GRM5: variants seen among roughly 807,000 people sequenced by gnomAD.
The protein encoded by GRM5 is metabotropic glutamate receptor 5.
A neutral mutation model predicts 83.1 loss-of-function variants in GRM5; 19 were observed. The ratio of observed to expected loss-of-function variants is 0.23; its 90% CI spans 0.16 to 0.34. The LOEUF is 0.34. GRM5 is among the 10% of genes least tolerant of loss of function. The pLI is 1.00. For missense variants in GRM5, 1,160 were observed against 1,588.3 expected, an observed-to-expected ratio of 0.73 and a Z score of 4.58; for synonymous variants, 675 against 633.6, an observed-to-expected ratio of 1.07 and a Z score of -0.98.
At chr11:88,752,558 C>T (rs1215300877) in intron 3 of GRM5, among the ~76,000 whole-genome samples, 3 of 152,168 alleles carry the variant, frequency 2.0e-5, no homozygotes, top group Non-Finnish European at 4.4e-5. Context: ...ATTATATTCT[C>T]ATTAAACTAC....
chr11:88,856,933 T>C (rs1481453331), intron 2 of GRM5, among the ~76,000 whole-genome samples: 1 of 152,100 alleles, frequency 6.6e-6, no homozygotes, highest in Non-Finnish European at 1.5e-5. Flanking sequence ...AGACTGATTG[T>C]GTAACACGCA....
intron 2 of GRM5, among the ~76,000 whole-genome samples, chr11:88,920,141 CA>C (rs1204576889): frequency 6.6e-6 from 1 of 151,814 alleles, no homozygotes; most frequent in Non-Finnish European, 1.5e-5. Context: ...AAAAAATCAA[CA>C]AACCTTTAGC....
At chr11:88,938,866 A>G (rs1039433981) in intron 2 of GRM5, among the ~76,000 whole-genome samples, 5 of 151,798 alleles carry the variant, frequency 3.3e-5, no homozygotes, top group African/African-American at 7.2e-5. Flanking sequence ...TAAGGTTTGC[A>G]TCTTTCAAGA....
chr11:88,735,879 C>G (rs1474756731), intron 3 of GRM5, among the ~76,000 whole-genome samples: 1 of 152,044 alleles, frequency 6.6e-6, no homozygotes, highest in East Asian at 1.9e-4. Flanking sequence ...GTGGTGTACT[C>G]GTGTAATTGA....
At chr11:89,035,477 G>A (rs1941361940) in intron 2 of GRM5, among the ~76,000 whole-genome samples, 1 of 151,782 alleles carries the variant, frequency 6.6e-6, no homozygotes, top group African/African-American at 2.4e-5. Context: ...GTTGAAAAGA[G>A]GGTATATAAC....
intron 3 of GRM5, among the ~76,000 whole-genome samples, chr11:88,793,369 T>C (rs72643326): frequency 0.082 from 12,412 of 152,186 alleles, 916 homozygotes; most frequent in African/African-American, 0.2. Context: ...TCGAGAGAAT[T>C]AATGGATTTT....
intron 8 of GRM5, among the ~76,000 whole-genome samples, chr11:88,534,665 T>A (rs1210781598): frequency 1.3e-5 from 2 of 152,164 alleles, no homozygotes; most frequent in Admixed American, 1.3e-4. Flanking sequence ...TGAAATAATT[T>A]GAGACTTTAG....
At chr11:88,803,387 C>T (rs1943437828) in intron 3 of GRM5, among the ~76,000 whole-genome samples, 1 of 152,090 alleles carries the variant, frequency 6.6e-6, no homozygotes. Context: ...CACCGCATAT[C>T]TACAACTATC....
intron 9 of GRM5, among the ~76,000 whole-genome samples, chr11:88,517,913 T>C (rs1270755958): frequency 6.6e-6 from 1 of 152,116 alleles, no homozygotes; most frequent in Non-Finnish European, 1.5e-5. Flanking sequence ...AATGTGTGCA[T>C]ATAGATGTGT....
Position 88,867,868 on chromosome 11 carries a change from T to C in GRM5, c.662-17713A>G, listed in dbSNP as rs1317457545. ...GTTGTTTACGAACCACTGAGTCTAT[T>C]GGTTTGTTGTTATAGTATCTCAAGC... On this transcript the variant is annotated intron_variant, in intron 2 of 9. Transcript: ENST00000305447. 2.6e-5 allele frequency among the ~76,000 whole-genome samples: 4 copies of C among 152,034 alleles called. No homozygotes were observed. In the East Asian group the frequency reaches 7.7e-4, roughly 29 times the overall value.
chr11:88,576,612 A>G (rs1353049864), intron 7 of GRM5, among the ~76,000 whole-genome samples: 2 of 152,306 alleles, frequency 1.3e-5, no homozygotes, highest in East Asian at 1.9e-4. Context: ...ATAAAATGAA[A>G]ATAATACAGA....
At chr11:88,629,399 T>C (rs1938896196) in intron 4 of GRM5, among the ~76,000 whole-genome samples, 1 of 152,206 alleles carries the variant, frequency 6.6e-6, no homozygotes, top group African/African-American at 2.4e-5. Flanking sequence ...TTTCTACCTA[T>C]GTATAGTGTC....
chr11:88,939,347 A>G (rs1009161637), intron 2 of GRM5, among the ~76,000 whole-genome samples: 3 of 151,850 alleles, frequency 2.0e-5, no homozygotes, highest in African/African-American at 7.2e-5. Context: ...GGGTGCCCAC[A>G]TTAATCATAT....
chr11:88,955,384 T>C (rs1938578796), intron 2 of GRM5, among the ~76,000 whole-genome samples: 1 of 152,230 alleles, frequency 6.6e-6, no homozygotes, highest in Non-Finnish European at 1.5e-5. Flanking sequence ...TAATGATGAT[T>C]ACGTATGCCT....
chr11:88,909,670 G>C (rs1184834999), intron 2 of GRM5, among the ~76,000 whole-genome samples: 1 of 151,664 alleles, frequency 6.6e-6, no homozygotes, highest in African/African-American at 2.4e-5. Context: ...CATCCTCACT[G>C]GTATCTCCAA....
At chr11:88,701,759 A>G (rs184485963) in intron 3 of GRM5, among the ~76,000 whole-genome samples, 182 of 152,256 alleles carry the variant, frequency 1.2e-3, no homozygotes, top group African/African-American at 4.2e-3. Flanking sequence ...TTAATTTGCA[A>G]TTAGTTACAG....
intron 4 of GRM5, among the ~76,000 whole-genome samples, chr11:88,636,667 C>G (rs1056297097): frequency 2.0e-5 from 3 of 152,126 alleles, no homozygotes; most frequent in Non-Finnish European, 4.4e-5. Flanking sequence ...CCTTACATTT[C>G]AAGATAAACA....
At chr11:88,513,435 T>C (rs1024214329) in intron 9 of GRM5, among the ~76,000 whole-genome samples, 9 of 152,246 alleles carry the variant, frequency 5.9e-5, no homozygotes, top group Admixed American at 4.6e-4. Flanking sequence ...AATGAAACTC[T>C]ATTTTGCCTT....
intron 2 of GRM5, among the ~76,000 whole-genome samples, chr11:88,962,027 T>C (rs1938799035): frequency 6.6e-6 from 1 of 152,210 alleles, no homozygotes; most frequent in Admixed American, 6.5e-5. Flanking sequence ...TATTATAATA[T>C]GAATTTAGAA....
Sources: gnomAD v4.1 joint callset for allele counts (sites outside exome capture counted in the v4.1 genomes callset) on GRCh38, gnomAD v4.1.1 for gene constraint, MANE v1.5 for transcripts, NCBI Gene and HGNC (gene_info 2026-07-23, HGNC 2026-07-21) for gene names.